The following SRGAP2C variants were observed in gnomAD, a reference collection of about 807,000 sequenced individuals.
The protein encoded by SRGAP2C is SLIT-ROBO Rho GTPase activating protein 2C.
A neutral mutation model predicts 25.1 loss-of-function variants in SRGAP2C; 15 were observed. That is an observed-to-expected ratio of 0.60 (90% confidence interval 0.40 to 0.92). The LOEUF (loss-of-function observed/expected upper bound fraction) is 0.92, where lower values mean the gene tolerates loss of function less well. Among genes scored for constraint, SRGAP2C ranks in the 40% least tolerant of loss-of-function variants. The probability of loss-of-function intolerance (pLI) is 0.00; values close to 1 mark genes in which losing one functional copy is unlikely to be tolerated. For missense variants in SRGAP2C, 144 were observed against 264.4 expected, an observed-to-expected ratio of 0.54 and a Z score of 3.16; for synonymous variants, 44 against 96.6, an observed-to-expected ratio of 0.46 and a Z score of 3.19.
chr1:121,346,667 T>C (rs1338874792), intron 4 of SRGAP2C, among the ~76,000 whole-genome samples: 17 of 152,224 alleles, frequency 1.1e-4, no homozygotes, highest in African/African-American at 3.6e-4. Context: ...ACCCCTCTTA[T>C]ATTCTGGAGT....
At chr1:121,343,350 G>A (rs1190805069) in intron 4 of SRGAP2C, among the ~76,000 whole-genome samples, 2 of 152,072 alleles carry the variant, frequency 1.3e-5, no homozygotes, top group Non-Finnish European at 2.9e-5. Context: ...TAGTGGGAAT[G>A]GAAATTAATT....
chr1:121,260,309 G>A (rs1248435993), intron 2 of SRGAP2C, among the ~76,000 whole-genome samples: 6 of 151,894 alleles, frequency 4.0e-5, no homozygotes, highest in African/African-American at 1.4e-4. Context: ...AGAGGAAACA[G>A]CCAGTTTAAA....
intron 2 of SRGAP2C, among the ~76,000 whole-genome samples, chr1:121,237,492 C>T (rs1368192410): frequency 2.0e-5 from 3 of 151,960 alleles, no homozygotes; most frequent in Admixed American, 6.6e-5. Flanking sequence ...AATTTATAGT[C>T]TATTATTTCT....
At chr1:121,359,301 CATT>C (rs1659129859) in intron 4 of SRGAP2C, among the ~76,000 whole-genome samples, 1 of 112,086 alleles carries the variant, frequency 8.9e-6, no homozygotes, top group Non-Finnish European at 1.8e-5. Flanking sequence ...TATAATGACT[CATT>C]AATGAGTTGT....
intron 5 of SRGAP2C, among the ~76,000 whole-genome samples, chr1:121,372,244 G>A (rs1223301365): frequency 6.6e-6 from 1 of 152,096 alleles, no homozygotes; most frequent in Non-Finnish European, 1.5e-5. Flanking sequence ...CTGATCGTAG[G>A]GCCTAGATTA....
chr1:121,206,169 A>G (rs1655102618), intron 2 of SRGAP2C, among the ~76,000 whole-genome samples: 1 of 151,668 alleles, frequency 6.6e-6, no homozygotes, highest in African/African-American at 2.4e-5. Context: ...CCCTAATACA[A>G]TGATGGTTTT....
chr1:121,273,626 T>G (rs1252602904), intron 2 of SRGAP2C, among the ~76,000 whole-genome samples: 1 of 151,346 alleles, frequency 6.6e-6, no homozygotes, highest in East Asian at 1.9e-4. Flanking sequence ...TATAGCTTCA[T>G]GAGAGGATGA....
intron 5 of SRGAP2C, among the ~76,000 whole-genome samples, chr1:121,366,999 A>G (rs1375444388): frequency 2.9e-5 from 4 of 138,050 alleles, no homozygotes; most frequent in Non-Finnish European, 4.7e-5. Flanking sequence ...AAACCTTGGA[A>G]CTTATTTCTC....
intron 2 of SRGAP2C, among the ~76,000 whole-genome samples, chr1:121,198,254 C>A (rs587666794): frequency 9.0e-5 from 13 of 144,338 alleles, no homozygotes; most frequent in African/African-American, 3.3e-4. Context: ...AGGATATCAT[C>A]CTTTAGGAAG....
At chr1:121,263,446 A>AC (rs1553333823) in intron 2 of SRGAP2C, among the ~76,000 whole-genome samples, 2 of 151,044 alleles carry the variant, frequency 1.3e-5, no homozygotes, top group Non-Finnish European at 3.0e-5. Flanking sequence ...AAAAAAAAAA[A>AC]AAAACTTCAG....
At position 121,392,399 on chromosome 1, in the gene SRGAP2C, T is replaced by C. The variant is rs1380939501; in HGVS notation, c.*4544T>C. ...CTCCCTTTCTCTTTTTTCTTTTCTT[T>C]CAATTTTCTCAATTACTAAGAGATG... On this transcript the variant is annotated 3_prime_UTR_variant, in exon 10 of 10. Transcript: ENST00000367123. 2 of 152,098 alleles carry C rather than the reference T, an allele frequency of 1.3e-5. No homozygotes were observed. Among genetic ancestry groups the C allele is most frequent in the African/African-American group, 4.8e-5 (2 of 41,420 alleles). The allele number at this position is 152,098 out of a possible 1,614,324, so 9.4% of individuals were successfully genotyped here.
At chr1:121,367,068 G>C (rs1308131022) in intron 5 of SRGAP2C, among the ~76,000 whole-genome samples, 1 of 151,274 alleles carries the variant, frequency 6.6e-6, no homozygotes, top group East Asian at 1.9e-4. Context: ...GCCCAATATT[G>C]GCCAACTACT....
At chr1:121,385,675 T>G (rs1220847783) in intron 8 of SRGAP2C, among the ~76,000 whole-genome samples, 55 of 152,156 alleles carry the variant, frequency 3.6e-4, no homozygotes, top group African/African-American at 1.3e-3. Flanking sequence ...GACAAGAGGC[T>G]AAAGGACGAA....
chr1:121,271,114 G>A lies in SRGAP2C; in HGVS notation c.68-13689G>A, dbSNP rs587759348. Among the ~76,000 whole-genome samples, 6 of 149,392 alleles carry A rather than the reference G, an allele frequency of 4.0e-5. No homozygotes were observed. In the East Asian group the frequency reaches 1.2e-3, roughly 30 times the overall value. On this transcript the variant is annotated intron_variant, in intron 2 of 9. Coordinates refer to ENST00000367123, the MANE Select transcript of SRGAP2C (RefSeq NM_001329984.2). ...GCCCAGCTGGACTGTTTTTTTTTTT[G>A]GTGTTTTGTTTTGTTTTTTTAAACT...
chr1:121,306,079 A>G (rs1210151873), intron 3 of SRGAP2C, among the ~76,000 whole-genome samples: 1 of 152,184 alleles, frequency 6.6e-6, no homozygotes, highest in African/African-American at 2.4e-5. Flanking sequence ...TGTCCTTTTC[A>G]TATAGAGAAG....
chr1:121,218,697 A>T (rs1441324190), intron 2 of SRGAP2C, among the ~76,000 whole-genome samples: 1 of 151,214 alleles, frequency 6.6e-6, no homozygotes, highest in Non-Finnish European at 1.5e-5. Context: ...CAGTGAGCCG[A>T]GATCACACCA....
At chr1:121,286,016 T>C (rs1411607469) in intron 3 of SRGAP2C, among the ~76,000 whole-genome samples, 1 of 152,212 alleles carries the variant, frequency 6.6e-6, no homozygotes, top group Non-Finnish European at 1.5e-5. Flanking sequence ...AAAAAAGTCA[T>C]AATATTTTAA....
rs1349766977 is a variant in SRGAP2C at position 121,196,258 on chromosome 1, G to A, written c.67+8745G>A. Among the ~76,000 whole-genome samples the A allele has an allele frequency of 7.6e-5, 4 of 52,716 alleles. 1 individual carries two copies. Among genetic ancestry groups the A allele is most frequent in the Non-Finnish European group, 1.4e-4 (4 of 28,852 alleles). 34.6% of individuals were successfully genotyped at this position (52,716 alleles called of 152,430 possible). ...AGATCGTGCCCTTGCACTCCAGCCTGGGCAACAAGAGTGAAACTCCATCTC... is the reference window on the plus strand; with the variant it reads ...AGATCGTGCCCTTGCACTCCAGCCTAGGCAACAAGAGTGAAACTCCATCTC... On this transcript the variant is annotated intron_variant, in intron 2 of 9. Transcript: ENST00000367123.
intron 3 of SRGAP2C, among the ~76,000 whole-genome samples, chr1:121,299,083 TAAG>T (rs1389800748): frequency 1.5e-4 from 7 of 47,234 alleles, no homozygotes; most frequent in African/African-American, 6.2e-4. Context: ...GAGAGAATAA[TAAG>T]AACACATGTG....
Sources: allele counts gnomAD v4.1 joint callset (sites outside exome capture counted in the v4.1 genomes callset), GRCh38; gene constraint gnomAD v4.1.1; transcripts MANE v1.5; gene names NCBI Gene and HGNC (gene_info 2026-07-23, HGNC 2026-07-21).